Variants in CCDC73 observed in about 807,000 individuals in gnomAD.
CCDC73 encodes coiled-coil domain-containing protein 73.
CCDC73 carries 95 observed loss-of-function variants against 116.5 expected under a neutral mutation model. The observed-to-expected ratio is 0.82, with a 90% CI of 0.69 to 0.97. The LOEUF (loss-of-function observed/expected upper bound fraction) is 0.97, where lower values mean the gene tolerates loss of function less well. Among genes scored for constraint, CCDC73 ranks in the 50% least tolerant of loss-of-function variants. CCDC73 has a pLI of 0.00. For synonymous variants in CCDC73, 398 were observed against 401.3 expected, an observed-to-expected ratio of 0.99 and a Z score of 0.10; for missense variants, 1,066 against 1,206.8, an observed-to-expected ratio of 0.88 and a Z score of 1.73.
At chr11:32,674,274 T>C (rs1856064602) in intron 9 of CCDC73, among the ~76,000 whole-genome samples, 1 of 152,186 alleles carries the variant, frequency 6.6e-6, no homozygotes, top group Admixed American at 6.5e-5. Flanking sequence ...AGGTACTTAA[T>C]TCTCTCAGAG....
chr11:32,800,746 T>G, the CCDC73 span, among the ~76,000 whole-genome samples: 1 of 152,164 alleles, frequency 6.6e-6, no homozygotes, highest in African/African-American at 2.4e-5. Flanking sequence ...GTCAAGGATT[T>G]AGGACGAAGT....
intron 7 of CCDC73, chr11:32,681,462 G>A (rs181240800): frequency 4.6e-5 from 7 of 151,940 alleles, no homozygotes; most frequent in Admixed American, 2.6e-4. Flanking sequence ...TGGAAAAATC[G>A]TTTGATTTGT....
chr11:32,608,973 C>G (rs1855388502), intron 17 of CCDC73, among the ~76,000 whole-genome samples: 1 of 152,150 alleles, frequency 6.6e-6, no homozygotes, highest in Non-Finnish European at 1.5e-5. Flanking sequence ...AAGCTGCACA[C>G]AGCACGGGGA....
intron 2 of CCDC73, among the ~76,000 whole-genome samples, chr11:32,759,707 A>G (rs1470325001): frequency 6.6e-6 from 1 of 152,190 alleles, no homozygotes; most frequent in African/African-American, 2.4e-5. Context: ...TTTGTCACTT[A>G]ATCATATACT....
rs1260389800 is a variant in CCDC73 at position 32,685,821 on chromosome 11, A to T, written c.391-2247T>A. Among the ~76,000 whole-genome samples, 4 of 148,338 alleles carry T rather than the reference A, an allele frequency of 2.7e-5. No homozygotes were observed. The Admixed American group carries it at 2.8e-4, about 10-fold the overall frequency. On this transcript the variant is annotated intron_variant, in intron 6 of 17. Transcript: ENST00000335185. ...ACTGCAACCTCTGCCTCCCAGGTTC[A>T]AGCAATTCTCCTGCCTCAGCCTCCC...
At chr11:32,796,999 G>T (rs952646994), upstream of CCDC73, among the ~76,000 whole-genome samples, 11 of 112,694 alleles carry the variant, frequency 9.8e-5, no homozygotes, top group Non-Finnish European at 1.7e-4. Flanking sequence ...GTGACAGACT[G>T]AGACTGCCTC....
rs1046422314 is a variant in CCDC73, at chr11:32,676,101, G to T, written c.430-80C>A. ...ACACAACAAATATGTAAAATATATT[G>T]TGGTAAACCACTGTTGTTAGTAATA... On this transcript the variant is annotated intron_variant, in intron 7 of 17. Coordinates refer to ENST00000335185, the MANE Select transcript of CCDC73 (RefSeq NM_001008391.4). 130 of 1,168,310 alleles carry T rather than the reference G, an allele frequency of 1.1e-4. 1 individual carries two copies. In the Middle Eastern group the frequency reaches 2.1e-3, roughly 18 times the overall value. 72.4% of individuals were successfully genotyped at this position (1,168,310 alleles called of 1,614,324 possible).
chr11:32,800,565 A>G, the CCDC73 span, among the ~76,000 whole-genome samples: 1 of 152,168 alleles, frequency 6.6e-6, no homozygotes, highest in Non-Finnish European at 1.5e-5. Flanking sequence ...CAAACTCAAC[A>G]TATGTATAAA....
chr11:32,708,959 TG>T (rs1849877076), intron 3 of CCDC73, among the ~76,000 whole-genome samples: 1 of 152,208 alleles, frequency 6.6e-6, no homozygotes, highest in African/African-American at 2.4e-5. Context: ...ATAGAAGTGG[TG>T]AAAGTGGGCA....
intron 1 of CCDC73, among the ~76,000 whole-genome samples, chr11:32,783,846 G>A (rs904709439): frequency 6.6e-6 from 1 of 152,174 alleles, no homozygotes; most frequent in East Asian, 1.9e-4. Flanking sequence ...CCCTAGCACG[G>A]TGGAGGACAG....
At chr11:32,686,545 A>G (rs889635242) in intron 6 of CCDC73, among the ~76,000 whole-genome samples, 2 of 152,074 alleles carry the variant, frequency 1.3e-5, no homozygotes, top group Admixed American at 1.3e-4. Context: ...TAAGAGGAAA[A>G]AAATGAAAAG....
chr11:32,807,992 T>G, the CCDC73 span, among the ~76,000 whole-genome samples: 1 of 152,156 alleles, frequency 6.6e-6, no homozygotes, highest in Non-Finnish European at 1.5e-5. Context: ...AAGAATAAAT[T>G]GCATTTATGA....
chr11:32,790,050 T>C (rs549053343), intron 1 of CCDC73, among the ~76,000 whole-genome samples: 71 of 152,170 alleles, frequency 4.7e-4, no homozygotes, highest in Non-Finnish European at 9.4e-4. Flanking sequence ...AGAAACATCA[T>C]TTTAAATGAG....
At chr11:32,820,122 C>A in the CCDC73 span, among the ~76,000 whole-genome samples, 2 of 152,096 alleles carry the variant, frequency 1.3e-5, no homozygotes, top group Admixed American at 1.3e-4. Context: ...TTGTTGAAGT[C>A]AACTTGTTAT....
chr11:32,772,607 C>A (rs1238996536), intron 1 of CCDC73, among the ~76,000 whole-genome samples: 1 of 151,996 alleles, frequency 6.6e-6, no homozygotes, highest in African/African-American at 2.4e-5. Flanking sequence ...TATCTCAGAG[C>A]AAAGTATCAT....
intron 8 of CCDC73, 99 bp from the exon 9 acceptor site, chr11:32,675,743 A>G (rs1856081475): frequency 1.7e-6 from 2 of 1,203,756 alleles, no homozygotes; most frequent in Admixed American, 4.6e-5. Context: ...AATGCAATAT[A>G]TATGTTATTT....
At chr11:32,626,513 T>C (rs1340434628) in intron 14 of CCDC73, among the ~76,000 whole-genome samples, 1 of 152,140 alleles carries the variant, frequency 6.6e-6, no homozygotes, top group African/African-American at 2.4e-5. Context: ...GAGCCCACAT[T>C]GCCAAGTCAA....
In CCDC73 at chr11:32,611,281, G is replaced by A. The variant is rs765536135; in HGVS notation, c.2897-16C>T. The A allele has an allele frequency of 1.2e-6, 2 of 1,605,380 alleles. No homozygotes were observed. The highest frequency in any genetic ancestry group is 1.7e-6 in the Non-Finnish European group (2 of 1,176,246). On this transcript the variant is annotated splice_polypyrimidine_tract_variant and intron_variant, in intron 16 of 17. Coordinates refer to ENST00000335185, the MANE Select transcript of CCDC73 (RefSeq NM_001008391.4). Reference sequence around the variant, plus strand: ...CTGGTAGTATCTGATTGATAAAGAGGAAATGGCAACAACTGAATTTTTCTC... The same window carrying A: ...CTGGTAGTATCTGATTGATAAAGAGAAAATGGCAACAACTGAATTTTTCTC...
At chr11:32,694,062 C>A (rs1170010552) in intron 6 of CCDC73, among the ~76,000 whole-genome samples, 1 of 152,156 alleles carries the variant, frequency 6.6e-6, no homozygotes, top group Non-Finnish European at 1.5e-5. Context: ...AAGTTCTGGC[C>A]AGGGCAATCA....
Sources: gnomAD v4.1 joint callset for allele counts (sites outside exome capture counted in the v4.1 genomes callset) on GRCh38, gnomAD v4.1.1 for gene constraint, MANE v1.5 for transcripts, NCBI Gene and HGNC (gene_info 2026-07-23, HGNC 2026-07-21) for gene names.